Variants in AGXT observed in about 807,000 individuals in gnomAD.
AGXT encodes the protein L-alanine: glyoxylate aminotransferase 1.
A neutral mutation model predicts 46.9 loss-of-function variants in AGXT; 41 were observed. The observed-to-expected ratio is 0.88, with a 90% CI of 0.68 to 1.14. The LOEUF (loss-of-function observed/expected upper bound fraction) is 1.14, where lower values mean the gene tolerates loss of function less well. Among genes scored for constraint, AGXT ranks in the 50% most tolerant of loss-of-function variants. AGXT has a pLI of 0.00. For missense variants in AGXT, 525 were observed against 522.7 expected (o/e 1.00, Z -0.04); for synonymous variants, 244 against 227.9 (o/e 1.07, Z -0.64).
chr2:240,875,921 C>T lies in AGXT; in HGVS notation c.777-14C>T, dbSNP rs903189046. 3 of 1,614,154 alleles carry T rather than the reference C, an allele frequency of 1.9e-6. No individual in the cohort carries two copies. Among genetic ancestry groups the T allele is most frequent in the Admixed American group, 1.7e-5 (1 of 60,028 alleles). Reference sequence around the variant, plus strand: ...TGCCCATGGTGCTGGACCAAGCCCCCTCGTGTCTTCCAGGTACCATCACAC... The same window carrying T: ...TGCCCATGGTGCTGGACCAAGCCCCTTCGTGTCTTCCAGGTACCATCACAC... On this transcript the variant is annotated splice_polypyrimidine_tract_variant and intron_variant, in intron 7 of 10. Transcript: ENST00000307503.
intron 2 of AGXT, among the ~76,000 whole-genome samples, chr2:240,870,307 C>T (rs1237442645): frequency 6.6e-6 from 1 of 152,142 alleles, no homozygotes; most frequent in African/African-American, 2.4e-5. Context: ...TTTGTGCCAG[C>T]CCTGGGCCAG....
chr2:240,877,478 G>A, intron 8 of AGXT, 59 bp from the exon 9 acceptor site: 1 of 1,456,634 alleles, frequency 6.9e-7, no homozygotes. Context: ...ACCACAGAGG[G>A]CGGGGCTTCC....
At chr2:240,874,130 C>G in intron 6 of AGXT, 68 bp downstream of exon 6, 4 of 1,460,462 alleles carry the variant, frequency 2.7e-6, no homozygotes, top group Non-Finnish European at 3.8e-6. Context: ...TGGCCCGAGG[C>G]GGGAGGGGCG....
Position 240,878,028 on chromosome 2 carries a change from C to T in AGXT, c.949C>T (p.Arg317Trp), listed in dbSNP as rs774030578. ...AGCCAGGCCCCTCCTGCAGGCGCTC[C>T]GGCTTCCCACAGTCACCACTGTGGC... ...LQLFVKDPAL[R>W]LPTVTTVAVP... Residue 317 changes from arginine to tryptophan, a missense_variant, in exon 10 of 11, where the codon CGG becomes TGG. By Grantham distance (101) the Arg-to-Trp change is moderately radical (BLOSUM62 -3). Coordinates refer to ENST00000307503, the MANE Select transcript of AGXT (RefSeq NM_000030.3). 3.7e-5 allele frequency: 59 copies of T among 1,611,740 alleles called. No individual in the cohort carries two copies. Among genetic ancestry groups the T allele is most frequent in the Admixed American group, 2.7e-4 (16 of 60,002 alleles).
At chr2:240,875,046 A>G in intron 6 of AGXT, 63 bp from the exon 7 acceptor site, 1 of 1,418,710 alleles carries the variant, frequency 7.0e-7, no homozygotes, top group East Asian at 2.3e-5. Context: ...ACAGCCAGCG[A>G]GACTGCCCTG....
intron 3 of AGXT, 154 bp from the exon 4 acceptor site, chr2:240,871,195 G>A (rs549379787): frequency 2.2e-4 from 156 of 695,890 alleles, no homozygotes; most frequent in Non-Finnish European, 3.3e-4. Flanking sequence ...GAGCGGAGAT[G>A]CCCCAGCCTC....
At chr2:240,872,375 G>A (rs555184195) in intron 4 of AGXT, among the ~76,000 whole-genome samples, 29 of 143,128 alleles carry the variant, frequency 2.0e-4, no homozygotes, top group African/African-American at 7.6e-4. Flanking sequence ...GAGGGTGAGA[G>A]TTCGTGAACA....
In AGXT at chr2:240,868,902, G is replaced by A; in HGVS notation, c.37G>A (p.Ala13Thr). Reference protein sequence around the residue: ...SHKLLVTPPKALLKPLSIPNQ... With the variant: ...SHKLLVTPPKTLLKPLSIPNQ... ...CAAGCTGCTGGTGACCCCCCCCAAG[G>A]CCCTGCTCAAGCCCCTCTCCATCCC... Residue 13 changes from alanine to threonine, a missense_variant, in exon 1 of 11, where the codon GCC (alanine) becomes ACC (threonine). Coordinates refer to ENST00000307503, the MANE Select transcript of AGXT (RefSeq NM_000030.3). 2.5e-6 allele frequency: 4 copies of A among 1,613,122 alleles called. No individual in the cohort carries two copies. Among genetic ancestry groups the A allele is most frequent in the Non-Finnish European group, 3.4e-6 (4 of 1,179,940 alleles).
At chr2:240,876,649 G>C (rs1035146332) in intron 8 of AGXT, among the ~76,000 whole-genome samples, 2 of 152,364 alleles carry the variant, frequency 1.3e-5, no homozygotes, top group South Asian at 4.1e-4. Context: ...GCTGCAGCCA[G>C]CTTCCCATGA....
chr2:240,876,057 AG>A, intron 8 of AGXT, 53 bp downstream of exon 8: 1 of 1,582,864 alleles, frequency 6.3e-7, no homozygotes, highest in African/African-American at 1.3e-5. Context: ...TGGATTGTCG[AG>A]GGCGCGGCCT....
In AGXT at chr2:240,868,882, T is replaced by C; in HGVS notation, c.17T>C (p.Leu6Pro). 4.3e-6 allele frequency: 7 copies of C among 1,612,442 alleles called. No individual in the cohort carries two copies. The highest frequency in any genetic ancestry group is 5.9e-6 in the Non-Finnish European group (7 of 1,179,726). Reference sequence around the variant, plus strand: ...GTGCGGACCATGGCCTCTCACAAGCTGCTGGTGACCCCCCCCAAGGCCCTG... The same window carrying C: ...GTGCGGACCATGGCCTCTCACAAGCCGCTGGTGACCCCCCCCAAGGCCCTG... MASHK[L>P]LVTPPKALLK... The change falls in exon 1 of 11, where the codon CTG becomes CCG. Residue 6 changes from leucine to proline, a missense_variant. Coordinates refer to ENST00000307503, the MANE Select transcript of AGXT (RefSeq NM_000030.3).
At chr2:240,870,535 G>A (rs1183381509) in intron 2 of AGXT, 109 bp from the exon 3 acceptor site, 2 of 1,308,680 alleles carry the variant, frequency 1.5e-6, no homozygotes, top group Non-Finnish European at 2.1e-6. Context: ...GTGCCACGGT[G>A]GGTGGGGTCC....
intron 8 of AGXT, among the ~76,000 whole-genome samples, chr2:240,876,449 CCACTGCAACATCCACACTCTCAGGA>C (rs1466433077): frequency 5.2e-4 from 79 of 152,308 alleles, no homozygotes; most frequent in Non-Finnish European, 8.8e-4. Flanking sequence ...GTTGATTTGG[CCACTGCAACATCCACACTCTCAGGA>C]CACTGCAACA....
intron 4 of AGXT, 88 bp downstream of exon 4, chr2:240,871,537 G>A (rs2058990674): frequency 8.7e-6 from 11 of 1,259,694 alleles, no homozygotes; most frequent in Non-Finnish European, 1.2e-5. Context: ...TGGTCCTTCT[G>A]CCCCTGGTCC....
At position 240,869,309 on chromosome 2, in the gene AGXT, T is replaced by C. The variant is rs1304689724; in HGVS notation, c.305T>C (p.Val102Ala). 2 of 1,612,408 alleles carry C rather than the reference T, an allele frequency of 1.2e-6. No homozygotes were observed. Among genetic ancestry groups the C allele is most frequent in the South Asian group, 2.2e-5 (2 of 90,998 alleles). The change falls in exon 2 of 11, where the codon GTT becomes GCT. Residue 102 changes from valine to alanine, a missense_variant. Coordinates refer to ENST00000307503, the MANE Select transcript of AGXT (RefSeq NM_000030.3). The part of the protein sequence containing the change: ...NVLEPGDSFL[V>A]GANGIWGQRA... The stretch of plus-strand genomic sequence containing the variant: ...CTGGAGCCTGGGGACTCCTTCCTGG[T>C]TGGGGCCAATGGCATTTGGGGGCAG...
At chr2:240,876,141 G>A (rs1456418376) in intron 8 of AGXT, 137 bp downstream of exon 8, 3 of 1,093,408 alleles carry the variant, frequency 2.7e-6, no homozygotes, top group African/African-American at 3.1e-5. Context: ...TGGGGGTGGG[G>A]GAGAGAGGAC....
At chr2:240,876,954 C>T (rs953992036) in intron 8 of AGXT, 25 of 228,398 alleles carry the variant, frequency 1.1e-4, no homozygotes, top group Admixed American at 4.0e-4. Context: ...GCAGAGAAGA[C>T]GGGCCAGGGC....
intron 6 of AGXT, 65 bp downstream of exon 6, chr2:240,874,127 A>G: frequency 1.3e-6 from 2 of 1,528,074 alleles, no homozygotes; most frequent in Non-Finnish European, 1.8e-6. Flanking sequence ...AGGTGGCCCG[A>G]GGCGGGAGGG....
intron 8 of AGXT, 165 bp from the exon 9 acceptor site, chr2:240,877,372 T>C (rs2059030994): frequency 2.8e-6 from 2 of 714,066 alleles, no homozygotes; most frequent in African/African-American, 1.7e-5. Flanking sequence ...CCTTCTGCCC[T>C]GGGGTAGTCC....
Sources: allele counts gnomAD v4.1 joint callset (sites outside exome capture counted in the v4.1 genomes callset), GRCh38; gene constraint gnomAD v4.1.1; transcripts MANE v1.5; gene names NCBI Gene and HGNC (gene_info 2026-07-23, HGNC 2026-07-21).